PDE4B: variants seen among roughly 807,000 people sequenced by gnomAD.
PDE4B encodes the protein 3',5'-cyclic-AMP phosphodiesterase 4B.
A neutral mutation model predicts 82.2 loss-of-function variants in PDE4B; 20 were observed. The observed-to-expected ratio is 0.24, with a 90% CI of 0.17 to 0.35. The LOEUF is 0.35. PDE4B is among the 10% of genes least tolerant of loss of function. The pLI is 1.00. For synonymous variants in PDE4B, 320 were observed against 318.9 expected, an observed-to-expected ratio of 1.00 and a Z score of -0.04; for missense variants, 655 against 907.2, an observed-to-expected ratio of 0.72 and a Z score of 3.57.
At chr1:65,874,101 G>T (rs1041703784) in intron 1 of PDE4B, among the ~76,000 whole-genome samples, 2 of 151,750 alleles carry the variant, frequency 1.3e-5, no homozygotes, top group Non-Finnish European at 2.9e-5. Context: ...CTTGAGCAGT[G>T]GTTTGTAGTT....
intron 3 of PDE4B, among the ~76,000 whole-genome samples, chr1:66,244,072 T>G (rs549891475): frequency 8.5e-5 from 13 of 152,320 alleles, no homozygotes; most frequent in African/African-American, 2.6e-4. Context: ...AGTTATCAAC[T>G]GCAACATTAT....
At position 66,053,029 on chromosome 1, in the gene PDE4B, C is replaced by A. The variant is rs148944968; in HGVS notation, c.281+134194C>A. 2.3e-3 allele frequency among the ~76,000 whole-genome samples: 352 copies of A among 152,224 alleles called. 2 individuals are homozygous for A. Among genetic ancestry groups the A allele is most frequent in the African/African-American group, 8.0e-3 (331 of 41,550 alleles). ...GTATTATTTCCGAGCCCATTTTAGT[C>A]TTTCTATGTGGGAGACAGTGTATTT... On this transcript the variant is annotated intron_variant, in intron 3 of 16. Transcript: ENST00000341517.
chr1:65,797,284 T>G (rs1315883029), intron 1 of PDE4B, among the ~76,000 whole-genome samples: 1 of 152,198 alleles, frequency 6.6e-6, no homozygotes, highest in African/African-American at 2.4e-5. Context: ...TTTGTAATCT[T>G]TGTCAGATAA....
Position 65,905,103 on chromosome 1 carries a change from C to A in PDE4B, c.-70-8142C>A, listed in dbSNP as rs766479069. ...TTTCCAGCAAATATTTATTGCTTGG[C>A]ACAAGAGATATAGTGGTTGGCAGTA... On this transcript the variant is annotated intron_variant, in intron 1 of 16. Coordinates refer to ENST00000341517, the MANE Select transcript of PDE4B (RefSeq NM_002600.4). 3.3e-5 allele frequency among the ~76,000 whole-genome samples: 5 copies of A among 152,240 alleles called. No individual in the cohort carries two copies. In the South Asian group the frequency reaches 6.2e-4, roughly 19 times the overall value.
rs557192130 is a variant in PDE4B at position 65,952,881 on chromosome 1, G to A, written c.281+34046G>A. Among the ~76,000 whole-genome samples the A allele has an allele frequency of 8.7e-4, 132 of 152,164 alleles. 3 individuals carry two copies. The South Asian group carries it at 0.026, about 30-fold the overall frequency. On this transcript the variant is annotated intron_variant, in intron 3 of 16. Coordinates refer to ENST00000341517, the MANE Select transcript of PDE4B (RefSeq NM_002600.4). ...GTGAATGGAAAGCACTTAGCAAAAC[G>A]TCTGACTCATAGGTGGTTTTCAGTA...
At chr1:66,151,969 C>T (rs150285933) in intron 3 of PDE4B, among the ~76,000 whole-genome samples, 2 of 152,254 alleles carry the variant, frequency 1.3e-5, no homozygotes, top group East Asian at 1.9e-4. Flanking sequence ...GTTAACTCGA[C>T]TGAATGATAA....
intron 3 of PDE4B, among the ~76,000 whole-genome samples, chr1:65,932,607 A>G (rs1647901515): frequency 6.6e-6 from 1 of 152,178 alleles, no homozygotes; most frequent in Non-Finnish European, 1.5e-5. Flanking sequence ...GGAACAAGAT[A>G]AATCTCCAGA....
At chr1:65,971,535 T>TA (rs1479790340) in intron 3 of PDE4B, among the ~76,000 whole-genome samples, 1 of 152,070 alleles carries the variant, frequency 6.6e-6, no homozygotes, top group Admixed American at 6.6e-5. Flanking sequence ...ATGACTTTAA[T>TA]AAAAAACCCA....
chr1:66,126,296 C>CT (rs1557580199), intron 3 of PDE4B, among the ~76,000 whole-genome samples: 1 of 151,956 alleles, frequency 6.6e-6, no homozygotes, highest in African/African-American at 2.4e-5. Context: ...CAGTTCCTAA[C>CT]TAACAAAATA....
chr1:65,804,732 T>A (rs1465878510), intron 1 of PDE4B, among the ~76,000 whole-genome samples: 1 of 152,054 alleles, frequency 6.6e-6, no homozygotes, highest in Non-Finnish European at 1.5e-5. Flanking sequence ...TATTTCTTGG[T>A]CATGTAATGA....
chr1:65,869,837 A>T (rs1348082497), intron 1 of PDE4B, among the ~76,000 whole-genome samples: 1 of 150,114 alleles, frequency 6.7e-6, no homozygotes, highest in Non-Finnish European at 1.5e-5. Context: ...ATCTTTTAGT[A>T]GGAAAGATGA....
intron 3 of PDE4B, among the ~76,000 whole-genome samples, chr1:65,972,545 T>G (rs2489915): frequency 0.99 from 151,180 of 152,270 alleles, 75,059 homozygotes; most frequent in Middle Eastern, 1. Flanking sequence ...TTAGCTTTCT[T>G]TGACGGAAAG....
chr1:66,298,332 A>G (rs574044503), intron 7 of PDE4B, among the ~76,000 whole-genome samples: 10 of 152,236 alleles, frequency 6.6e-5, no homozygotes, highest in Admixed American at 2.0e-4. Context: ...TTGCCTGACT[A>G]CCTAATAGGC....
intron 1 of PDE4B, among the ~76,000 whole-genome samples, chr1:65,884,816 T>C (rs1357676970): frequency 2.0e-5 from 3 of 152,166 alleles, no homozygotes. Context: ...ACTTCATGTC[T>C]AAAACACCAA....
At chr1:65,794,104 T>C (rs996838297) in intron 1 of PDE4B, among the ~76,000 whole-genome samples, 1 of 152,206 alleles carries the variant, frequency 6.6e-6, no homozygotes, top group African/African-American at 2.4e-5. Context: ...TTAGCAAGAC[T>C]TTGAGACGGT....
At chr1:65,995,891 T>G (rs1262376319) in intron 3 of PDE4B, among the ~76,000 whole-genome samples, 1 of 152,220 alleles carries the variant, frequency 6.6e-6, no homozygotes, top group East Asian at 1.9e-4. Flanking sequence ...AGCTAAACAA[T>G]GCAGAGGATG....
At chr1:65,898,901 C>A (rs1223746331) in intron 1 of PDE4B, among the ~76,000 whole-genome samples, 2 of 151,988 alleles carry the variant, frequency 1.3e-5, no homozygotes, top group African/African-American at 4.8e-5. Flanking sequence ...TAGACATTGG[C>A]TTAGGCAAGG....
chr1:66,280,533 C>A (rs559956285), intron 7 of PDE4B, among the ~76,000 whole-genome samples: 31 of 152,200 alleles, frequency 2.0e-4, no homozygotes, highest in Non-Finnish European at 2.8e-4. Context: ...TACATTTCCA[C>A]AGAGTTGAGT....
intron 3 of PDE4B, among the ~76,000 whole-genome samples, chr1:66,211,813 G>A (rs943954701): frequency 1.3e-5 from 2 of 152,178 alleles, no homozygotes; most frequent in African/African-American, 2.4e-5. Context: ...ACATAGCATT[G>A]TTGATCATCA....
Sources: gnomAD v4.1 joint callset for allele counts (sites outside exome capture counted in the v4.1 genomes callset) on GRCh38, gnomAD v4.1.1 for gene constraint, MANE v1.5 for transcripts, NCBI Gene and HGNC (gene_info 2026-07-23, HGNC 2026-07-21) for gene names.